TENM2: variants seen among roughly 807,000 people sequenced by gnomAD.
TENM2 encodes teneurin-2.
Under a neutral mutation model 245.2 loss-of-function variants are expected in TENM2, and 52 were observed. That is an observed-to-expected ratio of 0.21 (90% CI 0.17 to 0.27). TENM2 has a LOEUF of 0.27. TENM2 is among the 10% of genes least tolerant of loss of function. TENM2 has a pLI of 1.00. For missense variants in TENM2, 3,046 were observed against 3,666.8 expected, an observed-to-expected ratio of 0.83 and a Z score of 4.37; for synonymous variants, 1,363 against 1,438.9, an observed-to-expected ratio of 0.95 and a Z score of 1.19.
chr5:167,105,228 C>T, the TENM2 span, among the ~76,000 whole-genome samples: 2 of 152,182 alleles, frequency 1.3e-5, no homozygotes. Flanking sequence ...GCTAAATTCT[C>T]ATGTCAGTGT....
intron 1 of TENM2, among the ~76,000 whole-genome samples, chr5:167,341,483 G>GT (rs1758093864): frequency 6.6e-6 from 1 of 151,446 alleles, no homozygotes; most frequent in South Asian, 2.1e-4. Context: ...TTCTTTTCAT[G>GT]TATTGTTTTC....
At chr5:167,123,244 G>C in the TENM2 span, among the ~76,000 whole-genome samples, 2 of 152,126 alleles carry the variant, frequency 1.3e-5, no homozygotes, top group Non-Finnish European at 2.9e-5. Context: ...CGAGGCAGAG[G>C]CAGCGGCAGA....
At chr5:167,027,203 A>G in the TENM2 span, among the ~76,000 whole-genome samples, 1 of 152,176 alleles carries the variant, frequency 6.6e-6, no homozygotes, top group Non-Finnish European at 1.5e-5. Flanking sequence ...TTTTCAGAGG[A>G]TGTAAATTAC....
chr5:168,052,437 T>G (rs867514089), intron 6 of TENM2, among the ~76,000 whole-genome samples: 2 of 151,592 alleles, frequency 1.3e-5, no homozygotes, highest in Non-Finnish European at 2.9e-5. Flanking sequence ...TGTGTATGTA[T>G]GTGTATATAT....
At position 167,541,229 on chromosome 5, in the gene TENM2, ATGT is replaced by A. The variant is rs1772192121; in HGVS notation, c.502+165761_502+165763del. On this transcript the variant is annotated intron_variant, in intron 2 of 28. Coordinates refer to ENST00000518659, the Ensembl canonical transcript of TENM2. Reference sequence around the variant, plus strand: ...TGTATTGTTAATGCAAGTTTCAATGATGTTGTTCTTATTTTTTCACTCGTAAAA... The same window carrying A: ...TGTATTGTTAATGCAAGTTTCAATGATGTTCTTATTTTTTCACTCGTAAAA... Among the ~76,000 whole-genome samples, 3 of 152,250 alleles carry A rather than the reference ATGT, an allele frequency of 2.0e-5. No homozygotes were observed. In the South Asian group the frequency reaches 6.2e-4, roughly 32 times the overall value.
At chr5:167,047,510 C>T in the TENM2 span, among the ~76,000 whole-genome samples, 1 of 151,654 alleles carries the variant, frequency 6.6e-6, no homozygotes, top group African/African-American at 2.4e-5. Flanking sequence ...AAAGAAAGTT[C>T]CAAATTGGTC....
chr5:167,418,225 A>T (rs1763278793), intron 2 of TENM2, among the ~76,000 whole-genome samples: 1 of 151,800 alleles, frequency 6.6e-6, no homozygotes, highest in Non-Finnish European at 1.5e-5. Context: ...GCTACTTGGG[A>T]GGCTGAGGCG....
intron 9 of TENM2, among the ~76,000 whole-genome samples, chr5:168,115,582 C>T (rs115879007): frequency 6.6e-6 from 1 of 152,216 alleles, no homozygotes; most frequent in African/African-American, 2.4e-5. Context: ...CTCTGCCATC[C>T]GTGACAGCCC....
At chr5:167,079,268 TATAC>T in the TENM2 span, among the ~76,000 whole-genome samples, 2 of 141,032 alleles carry the variant, frequency 1.4e-5, no homozygotes, top group African/African-American at 2.9e-5. Flanking sequence ...CATATATATA[TATAC>T]ACACACACAC....
chr5:167,696,915 A>C (rs1246182076), intron 2 of TENM2, among the ~76,000 whole-genome samples: 2 of 152,134 alleles, frequency 1.3e-5, no homozygotes, highest in African/African-American at 4.8e-5. Context: ...CTTGCTTAAA[A>C]ACCTCAAGAA....
chr5:168,219,848 A>AAAAAAAC, intron 23 of TENM2, among the ~76,000 whole-genome samples: 1 of 151,406 alleles, frequency 6.6e-6, no homozygotes, highest in Non-Finnish European at 1.5e-5. Flanking sequence ...AAAAAAAAAA[A>AAAAAAAC]AGCGGGGGAC....
chr5:167,522,785 T>C (rs1770849580), intron 2 of TENM2, among the ~76,000 whole-genome samples: 1 of 148,818 alleles, frequency 6.7e-6, no homozygotes, highest in African/African-American at 2.5e-5. Flanking sequence ...ACATCCTACT[T>C]TGTACACTTT....
At chr5:168,239,612 C>A (rs1242504107) in intron 25 of TENM2, among the ~76,000 whole-genome samples, 1 of 152,076 alleles carries the variant, frequency 6.6e-6, no homozygotes, top group Admixed American at 6.5e-5. Context: ...CAGGCCTGAT[C>A]CTGCTTAGCT....
chr5:167,443,582 A>T (rs1308104074), intron 2 of TENM2, among the ~76,000 whole-genome samples: 2 of 152,232 alleles, frequency 1.3e-5, no homozygotes, highest in African/African-American at 4.8e-5. Flanking sequence ...ACATTTAAAG[A>T]ACTTTTAGTA....
chr5:167,739,452 A>G (rs914582783), intron 2 of TENM2, among the ~76,000 whole-genome samples: 4 of 152,146 alleles, frequency 2.6e-5, no homozygotes, highest in African/African-American at 9.7e-5. Flanking sequence ...CCTTAGTGGG[A>G]TTCCAGTTAC....
chr5:168,084,148 CT>C (rs1429410306), intron 7 of TENM2, among the ~76,000 whole-genome samples: 3 of 152,168 alleles, frequency 2.0e-5, no homozygotes. Context: ...ACCACATTTT[CT>C]TTTTCCACTC....
chr5:167,290,855 A>G (rs1299063019), intron 1 of TENM2, among the ~76,000 whole-genome samples: 1 of 152,136 alleles, frequency 6.6e-6, no homozygotes, highest in Non-Finnish European at 1.5e-5. Context: ...ATTTTATGGC[A>G]TGTAAATCCA....
At chr5:167,969,436 G>GT (rs1245818427) in intron 4 of TENM2, among the ~76,000 whole-genome samples, 14 of 152,132 alleles carry the variant, frequency 9.2e-5, no homozygotes, top group African/African-American at 3.4e-4. Context: ...ATGTGGAACT[G>GT]TAAGTCCATT....
intron 2 of TENM2, among the ~76,000 whole-genome samples, chr5:167,565,818 TCA>T (rs1401157096): frequency 6.6e-6 from 1 of 152,172 alleles, no homozygotes; most frequent in African/African-American, 2.4e-5. Context: ...CATTTTGCTC[TCA>T]CACTAATATA....
Sources: gnomAD v4.1 joint callset for allele counts (sites outside exome capture counted in the v4.1 genomes callset) on GRCh38, gnomAD v4.1.1 for gene constraint, MANE v1.5 for transcripts, NCBI Gene and HGNC (gene_info 2026-07-23, HGNC 2026-07-21) for gene names.